The following EDNRB variants were observed in gnomAD, a reference collection of about 807,000 sequenced individuals.
EDNRB encodes the protein Hirschsprung disease 2.
A neutral mutation model predicts 46.4 loss-of-function variants in EDNRB; 18 were observed. The ratio of observed to expected loss-of-function variants is 0.39; its 90% CI spans 0.27 to 0.57. The LOEUF (loss-of-function observed/expected upper bound fraction) is 0.57. EDNRB is among the 20% of genes least tolerant of loss of function. EDNRB has a pLI of 0.61. For missense variants in EDNRB, 434 were observed against 537.5 expected (o/e 0.81, Z 1.90); for synonymous variants, 213 against 204.9 (o/e 1.04, Z -0.34).
chr13:77,918,005 G>T lies in EDNRB; in HGVS notation c.483+86C>A, dbSNP rs1594373038. ...AACCTTAAGAGGGAGCTAAAGGGAA[G>T]CTCCCTCTACAAGCTTTCTCATCTC... On this transcript the variant is annotated intron_variant, in intron 1 of 6. Coordinates refer to ENST00000646607, the MANE Select transcript of EDNRB (RefSeq NM_001122659.3). This position sits in a 1 kb window ranked among gnomAD's most constrained non-coding sequence, Gnocchi z 4.5. 2.5e-6 allele frequency: 4 copies of T among 1,602,780 alleles called. No homozygotes were observed. In the African/African-American group the frequency reaches 5.4e-5, roughly 21 times the overall value.
intron 1 of EDNRB, among the ~76,000 whole-genome samples, chr13:77,934,170 G>T (rs940774481): frequency 2.0e-5 from 3 of 152,180 alleles, no homozygotes; most frequent in African/African-American, 7.2e-5. Flanking sequence ...GTCAATAGGA[G>T]TATGACTAGA....
At chr13:77,936,162 T>C (rs1880556753) in intron 1 of EDNRB, among the ~76,000 whole-genome samples, 3 of 152,076 alleles carry the variant, frequency 2.0e-5, no homozygotes, top group Admixed American at 6.6e-5. Context: ...AGGTGTCTTA[T>C]ACTTGTGGGT....
intron 1 of EDNRB, among the ~76,000 whole-genome samples, chr13:77,952,561 C>T (rs1192025140): frequency 6.6e-6 from 1 of 152,098 alleles, no homozygotes; most frequent in African/African-American, 2.4e-5. Flanking sequence ...GTTTGAATGC[C>T]TCTGACATAT....
intron 1 of EDNRB, among the ~76,000 whole-genome samples, chr13:77,970,708 C>A (rs920220640): frequency 5.9e-5 from 9 of 152,140 alleles, no homozygotes; most frequent in Admixed American, 5.2e-4. Flanking sequence ...TGGGTCATAA[C>A]ACACATCAGA....
chr13:77,905,250 A>C (rs2147555), intron 1 of EDNRB, among the ~76,000 whole-genome samples: 17,767 of 151,862 alleles, frequency 0.12, 1,239 homozygotes, highest in Middle Eastern at 0.22. Flanking sequence ...TAGACATCAC[A>C]TACTTTTTGC....
intron 1 of EDNRB, among the ~76,000 whole-genome samples, chr13:77,962,266 C>T (rs1329487486): frequency 6.6e-6 from 1 of 152,156 alleles, no homozygotes; most frequent in East Asian, 1.9e-4. Flanking sequence ...CGGAATCCCC[C>T]CTAACTCATT....
At chr13:77,950,796 A>G (rs1881069346) in intron 1 of EDNRB, among the ~76,000 whole-genome samples, 1 of 152,172 alleles carries the variant, frequency 6.6e-6, no homozygotes, top group South Asian at 2.1e-4. Flanking sequence ...TTACATAGAA[A>G]CACCAGTTTT....
chr13:77,972,235 C>A (rs752158323), intron 1 of EDNRB, among the ~76,000 whole-genome samples: 1 of 152,154 alleles, frequency 6.6e-6, no homozygotes, highest in Non-Finnish European at 1.5e-5. Flanking sequence ...GGAGGACCAC[C>A]TTAATAGAAA....
At chr13:77,964,050 G>T (rs1881507138) in intron 1 of EDNRB, among the ~76,000 whole-genome samples, 1 of 152,202 alleles carries the variant, frequency 6.6e-6, no homozygotes, top group African/African-American at 2.4e-5. Context: ...TCAGAGAAAT[G>T]CAAATCAAAA....
intron 1 of EDNRB, among the ~76,000 whole-genome samples, chr13:77,959,930 G>A (rs577149172): frequency 6.6e-6 from 1 of 152,342 alleles, no homozygotes; most frequent in South Asian, 2.1e-4. Context: ...CTGGAAGAAA[G>A]GGTATCAGTG....
intron 1 of EDNRB, among the ~76,000 whole-genome samples, chr13:77,968,597 A>G (rs1881643091): frequency 6.6e-6 from 1 of 152,212 alleles, no homozygotes; most frequent in Non-Finnish European, 1.5e-5. Flanking sequence ...GTAAATAAAC[A>G]TGAAAATAAA....
rs185859636 is a variant in EDNRB, at chr13:77,949,834, T to A, written c.-52+25513A>T. ...ATGCCCTTGAAACAAAACTAGATTT[T>A]CCTCTTTGCCCTGAGAAACTTCCTT... On this transcript the variant is annotated intron_variant, in intron 1 of 7. Transcript: ENST00000646948. Among the ~76,000 whole-genome samples, 91 of 152,234 alleles carry A rather than the reference T, an allele frequency of 6.0e-4. 1 individual carries two copies. Among genetic ancestry groups the A allele is most frequent in the African/African-American group, 2.0e-3 (85 of 41,550 alleles).
upstream of EDNRB, among the ~76,000 whole-genome samples, chr13:77,923,187 G>C (rs1320249686): frequency 1.3e-5 from 2 of 152,022 alleles, no homozygotes; most frequent in East Asian, 3.8e-4. Context: ...TTTTTTCTGA[G>C]AAAAGCAACA....
intron 1 of EDNRB, among the ~76,000 whole-genome samples, chr13:77,907,377 C>T (rs1403568336): frequency 6.6e-6 from 1 of 151,992 alleles, no homozygotes; most frequent in African/African-American, 2.4e-5. Flanking sequence ...AGACTGGTTT[C>T]TCAGGCCTTT....
intron 6 of EDNRB, among the ~76,000 whole-genome samples, chr13:77,899,055 C>T (rs1309896232): frequency 4.6e-5 from 7 of 151,578 alleles, no homozygotes; most frequent in African/African-American, 1.7e-4. Flanking sequence ...TCTGTTCATT[C>T]TATTTGTAAA....
Position 77,918,416 on chromosome 13 carries a change from A to G in EDNRB, c.158T>C (p.Leu53Ser), listed in dbSNP as rs766651046. 1 of 1,590,392 alleles carries G rather than the reference A, an allele frequency of 6.3e-7. No homozygotes were observed. Among genetic ancestry groups the G allele is most frequent in the Non-Finnish European group, 8.6e-7 (1 of 1,168,072 alleles). Residue 53 changes from leucine to serine, a missense_variant, in exon 1 of 7, where the codon TTA becomes TCA. Coordinates refer to ENST00000646607, the MANE Select transcript of EDNRB (RefSeq NM_001122659.3). This position sits in a 1 kb window ranked among gnomAD's most constrained non-coding sequence, Gnocchi z 4.5. ...AEIMTPPTKT[L>S]WPKGSNASLA... ...ACTGGCGTTGGAACCCTTGGGCCAT[A>G]AGGTCTTAGTGGGTGGCGTCATTAT...
intron 1 of EDNRB, among the ~76,000 whole-genome samples, chr13:77,961,283 T>A (rs549630016): frequency 2.0e-5 from 3 of 152,108 alleles, no homozygotes; most frequent in African/African-American, 7.2e-5. Flanking sequence ...ACTTATTAGG[T>A]CTGCACCAAG....
At chr13:77,905,324 T>C (rs1879220788) in intron 1 of EDNRB, among the ~76,000 whole-genome samples, 1 of 151,964 alleles carries the variant, frequency 6.6e-6, no homozygotes, top group Admixed American at 6.6e-5. Context: ...AATTTTTATA[T>C]GAATCTCACA....
intron 1 of EDNRB, among the ~76,000 whole-genome samples, chr13:77,968,999 A>G (rs1320654214): frequency 6.6e-6 from 1 of 152,186 alleles, no homozygotes; most frequent in East Asian, 1.9e-4. Flanking sequence ...GTATTGTAAA[A>G]TGACATCCAT....
Sources: gnomAD v4.1 joint callset for allele counts (sites outside exome capture counted in the v4.1 genomes callset) on GRCh38, gnomAD v4.1.1 for gene constraint, Gnocchi (gnomAD v3.1) non-coding constraint, MANE v1.5 for transcripts, NCBI Gene and HGNC (gene_info 2026-07-23, HGNC 2026-07-21) for gene names.